The following HDLBP variants were observed in gnomAD, a reference collection of about 807,000 sequenced individuals.
The protein encoded by HDLBP is high density lipoprotein binding protein, also known as vigilin.
In HDLBP, 30 loss-of-function variants were observed where a neutral mutation model predicts 137.3. The observed-to-expected ratio is 0.22, with a 90% CI of 0.16 to 0.30. The LOEUF is 0.30. HDLBP is among the 10% of genes least tolerant of loss of function. The pLI is 1.00. For synonymous variants in HDLBP, 606 were observed against 596.0 expected (o/e 1.02, Z -0.24); for missense variants, 1,119 against 1,667.3 (o/e 0.67, Z 5.73).
At chr2:241,281,303 G>C (rs7579620) in intron 1 of HDLBP, among the ~76,000 whole-genome samples, 1 of 151,818 alleles carries the variant, frequency 6.6e-6, no homozygotes, top group Non-Finnish European at 1.5e-5. Context: ...GCAGTGAGCC[G>C]AGATCGCGCC....
rs753690781 is a variant in HDLBP at position 241,235,211 on chromosome 2, G to A, written c.3054C>T (p.Ile1018=). The A allele has an allele frequency of 1.4e-5, 22 of 1,614,192 alleles. No homozygotes were observed. The East Asian group carries it at 1.6e-4, about 11-fold the overall frequency. ...AATTTGCAGCGAGGCCCGTGATGGC[G>A]ATGATGTCAGACTGCAGCTCAGGTG... ...VPAPELQSDI[I]AITGLAANLD... The change falls in exon 23 of 28, where the codon ATC becomes ATT. Residue 1018 remains isoleucine, a synonymous_variant. Transcript: ENST00000310931.
intron 2 of HDLBP, chr2:241,267,865 G>T: frequency 1.0e-6 from 1 of 985,424 alleles, no homozygotes; most frequent in African/African-American, 1.7e-5. Flanking sequence ...GCCCAAGGGC[G>T]CTGAGTTTCT....
At chr2:241,252,903 C>A in intron 11 of HDLBP, 54 bp downstream of exon 11, 1 of 1,234,458 alleles carries the variant, frequency 8.1e-7, no homozygotes. Flanking sequence ...GCTGACACCC[C>A]CCACAAGGGT....
At chr2:241,271,728 G>A (rs1574989895) in intron 1 of HDLBP, among the ~76,000 whole-genome samples, 2 of 152,142 alleles carry the variant, frequency 1.3e-5, no homozygotes, top group East Asian at 3.9e-4. Flanking sequence ...GGTATGGAGG[G>A]CACCAAAAAA....
At chr2:241,294,626 A>AT (rs2075115815) in intron 1 of HDLBP, among the ~76,000 whole-genome samples, 2 of 152,012 alleles carry the variant, frequency 1.3e-5, no homozygotes, top group African/African-American at 2.4e-5. Context: ...TGCCCAACTA[A>AT]TTTTTTCTCC....
intron 5 of HDLBP, among the ~76,000 whole-genome samples, chr2:241,262,465 AATT>A (rs1030521938): frequency 1.3e-5 from 2 of 151,628 alleles, no homozygotes; most frequent in Non-Finnish European, 2.9e-5. Context: ...TTAAAAAAAA[AATT>A]ATTATTACTT....
chr2:241,230,084 T>C lies in HDLBP; in HGVS notation c.3591+69A>G. 6.3e-7 allele frequency: 1 copy of C among 1,587,726 alleles called. No homozygotes were observed. Among genetic ancestry groups the C allele is most frequent in the Non-Finnish European group, 8.6e-7 (1 of 1,158,692 alleles). Reference sequence around the variant, plus strand: ...CAAGTGCCACCTTGTCCCCTGAAGCTCCTGGCTGGGCCTCAGGCCGGTGGA... The same window carrying C: ...CAAGTGCCACCTTGTCCCCTGAAGCCCCTGGCTGGGCCTCAGGCCGGTGGA... On this transcript the variant is annotated intron_variant, in intron 26 of 27. Transcript: ENST00000310931. This position sits in a 1 kb window ranked among gnomAD's most constrained non-coding sequence, Gnocchi z 5.0.
rs6754518 is a variant in HDLBP at position 241,305,971 on chromosome 2, A to G, written c.-103+9599T>C. On this transcript the variant is annotated intron_variant, in intron 1 of 27. Transcript: ENST00000310931. ...GAGACGGGGTCTCACCGTGTTAGCCAGGATGGTCTCGATCTCCTGACCTCG... is the reference window on the plus strand; with the variant it reads ...GAGACGGGGTCTCACCGTGTTAGCCGGGATGGTCTCGATCTCCTGACCTCG... Among the ~76,000 whole-genome samples, 9 of 152,110 alleles carry G rather than the reference A, an allele frequency of 5.9e-5. 1 individual carries two copies. Among genetic ancestry groups the G allele is most frequent in the African/African-American group, 2.2e-4 (9 of 41,510 alleles).
intron 12 of HDLBP, chr2:241,249,421 G>C (rs1480769149): frequency 2.1e-6 from 1 of 477,186 alleles, no homozygotes; most frequent in Admixed American, 2.3e-5. Flanking sequence ...CCAGAGCAGT[G>C]CAGTGCTTCT....
intron 17 of HDLBP, among the ~76,000 whole-genome samples, chr2:241,241,942 A>G (rs777329649): frequency 9.2e-5 from 14 of 152,172 alleles, no homozygotes; most frequent in Non-Finnish European, 1.8e-4. Context: ...TTTTCCTACA[A>G]ATTGACAGGC....
chr2:241,263,028 G>T, intron 4 of HDLBP, 102 bp from the exon 5 acceptor site: 1 of 851,588 alleles, frequency 1.2e-6, no homozygotes, highest in Non-Finnish European at 1.9e-6. Flanking sequence ...TCACAAAGCA[G>T]CCCCACCCTG....
In HDLBP at chr2:241,262,657, G is replaced by C; in HGVS notation, c.450+54C>G. On this transcript the variant is annotated intron_variant, in intron 5 of 27. Transcript: ENST00000310931. ...ACGTTCTAGCCTGCATCAGGAGCCG[G>C]GTAATGGAACGGGTACACAGTCACT... The C allele has an allele frequency of 2.2e-6, 3 of 1,367,586 alleles. No homozygotes were observed. The South Asian group carries it at 3.5e-5, about 16-fold the overall frequency. 84.7% of individuals were successfully genotyped at this position (1,367,586 alleles called of 1,614,324 possible).
At chr2:241,262,498 G>A (rs989110116) in intron 5 of HDLBP, among the ~76,000 whole-genome samples, 16 of 152,090 alleles carry the variant, frequency 1.1e-4, no homozygotes, top group African/African-American at 3.9e-4. Flanking sequence ...TTCACTCAAA[G>A]AGCAAAAATG....
In HDLBP at chr2:241,233,976, G is replaced by T. The variant is rs751619751; in HGVS notation, c.3145-13C>A. 3.7e-5 allele frequency: 59 copies of T among 1,613,954 alleles called. No individual in the cohort carries two copies. The highest frequency in any genetic ancestry group is 4.7e-5 in the Non-Finnish European group (55 of 1,179,948). ...AACTCCTTAAAGCCTACAAATGAAA[G>T]GAGCAAGAATGAGGCAAAGATTGAG... is the stretch of plus-strand genomic sequence containing the variant. On this transcript the variant is annotated splice_polypyrimidine_tract_variant and intron_variant, in intron 23 of 27. Transcript: ENST00000310931. This position sits in a 1 kb window ranked among gnomAD's most constrained non-coding sequence, Gnocchi z 4.3.
At chr2:241,297,823 C>T (rs1234684081) in intron 1 of HDLBP, among the ~76,000 whole-genome samples, 3 of 151,872 alleles carry the variant, frequency 2.0e-5, no homozygotes, top group Admixed American at 1.3e-4. Context: ...GAGGCCAAGG[C>T]GGGTGGATCA....
At chr2:241,295,785 C>T (rs1274259111) in intron 1 of HDLBP, among the ~76,000 whole-genome samples, 3 of 152,106 alleles carry the variant, frequency 2.0e-5, no homozygotes, top group Non-Finnish European at 4.4e-5. Context: ...GACGAGAAAG[C>T]CACGTGAAGA....
intron 12 of HDLBP, among the ~76,000 whole-genome samples, chr2:241,248,848 C>G (rs1016008056): frequency 6.6e-6 from 1 of 152,128 alleles, no homozygotes; most frequent in African/African-American, 2.4e-5. Flanking sequence ...GCTCTCAACT[C>G]CTCCACAGGC....
chr2:241,266,883 C>A lies in HDLBP; in HGVS notation c.-14G>T. 2 of 1,613,844 alleles carry A rather than the reference C, an allele frequency of 1.2e-6. No homozygotes were observed. The highest frequency in any genetic ancestry group is 1.7e-6 in the Non-Finnish European group (2 of 1,179,710). Reference sequence around the variant, plus strand: ...AACGGAACTCATGGTTGATCTCACACCTACACACAATCCGGGAAAACCACT... The same window carrying A: ...AACGGAACTCATGGTTGATCTCACAACTACACACAATCCGGGAAAACCACT... On this transcript the variant is annotated 5_prime_UTR_variant, in exon 3 of 28. Transcript: ENST00000310931.
intron 12 of HDLBP, 47 bp from the exon 13 acceptor site, chr2:241,248,395 G>A (rs1202891720): frequency 6.9e-7 from 1 of 1,445,556 alleles, no homozygotes; most frequent in Non-Finnish European, 9.7e-7. Context: ...AGCACGGCGA[G>A]CAACTCCCCA....
Sources: gnomAD v4.1 joint callset for allele counts (sites outside exome capture counted in the v4.1 genomes callset) on GRCh38, gnomAD v4.1.1 for gene constraint, Gnocchi (gnomAD v3.1) non-coding constraint, MANE v1.5 for transcripts, NCBI Gene and HGNC (gene_info 2026-07-23, HGNC 2026-07-21) for gene names.